Variants in TMT1B observed in about 807,000 individuals in gnomAD.
TMT1B encodes thiol S-methyltransferase TMT1B.
chr12:55,682,488 G>A, the TMT1B span, among the ~76,000 whole-genome samples: 1 of 151,724 alleles, frequency 6.6e-6, no homozygotes, highest in Non-Finnish European at 1.5e-5. Flanking sequence ...GGAGTGGGGA[G>A]GACACCTAAG....
chr12:55,681,776 C>T, the TMT1B span: 1 of 1,551,478 alleles, frequency 6.4e-7, no homozygotes, highest in Non-Finnish European at 8.7e-7. Context: ...GGTCCCACTC[C>T]TGCAGCTGCT....
chr12:55,684,273 G>C, the TMT1B span: 1 of 529,238 alleles, frequency 1.9e-6, no homozygotes, highest in Non-Finnish European at 3.4e-6. Context: ...GCTGACCCAG[G>C]GAGGAAACAC....
At chr12:55,684,227 A>G in the TMT1B span, 1 of 610,958 alleles carries the variant, frequency 1.6e-6, no homozygotes, top group Non-Finnish European at 2.9e-6. Flanking sequence ...TCTAACTTCA[A>G]TCCCGCCTTC....
the TMT1B span, chr12:55,682,177 G>A: frequency 6.2e-7 from 1 of 1,614,000 alleles, no homozygotes. Flanking sequence ...TGGATGTGGT[G>A]GTCTGCACTC....
chr12:55,684,379 C>A, the TMT1B span: 782 of 305,068 alleles, frequency 2.6e-3, 5 homozygotes, highest in African/African-American at 0.016. Flanking sequence ...CATGGTAAAG[C>A]TCCTCTCGCT....
At chr12:55,683,943 A>G in the TMT1B span, 1 of 1,614,138 alleles carries the variant, frequency 6.2e-7, no homozygotes, top group South Asian at 1.1e-5. Flanking sequence ...GAGACCTGGA[A>G]GGATCTTGAG....
the TMT1B span, chr12:55,683,738 G>T: frequency 2.1e-6 from 3 of 1,421,914 alleles, no homozygotes; most frequent in South Asian, 1.2e-5. Flanking sequence ...CAAGAAGTTT[G>T]ACTGTCTTGA....
At chr12:55,681,876 C>G in the TMT1B span, 2 of 1,606,274 alleles carry the variant, frequency 1.2e-6, no homozygotes, top group Non-Finnish European at 1.7e-6. Context: ...TACCTGATGG[C>G]CGTGCTGACT....
the TMT1B span, chr12:55,682,011 A>T: frequency 6.2e-7 from 1 of 1,614,246 alleles, no homozygotes; most frequent in Non-Finnish European, 8.5e-7. Context: ...GCCAACTTTC[A>T]GTTCTACCCA....
chr12:55,681,883 G>A, the TMT1B span: 119 of 1,610,150 alleles, frequency 7.4e-5, no homozygotes, highest in Non-Finnish European at 9.8e-5. Context: ...TGGCCGTGCT[G>A]ACTCCCAAGA....
At chr12:55,681,793 G>C in the TMT1B span, 1 of 1,552,574 alleles carries the variant, frequency 6.4e-7, no homozygotes, top group Non-Finnish European at 8.7e-7. Flanking sequence ...TGCTGGTGCT[G>C]CTTCTTACCC....
chr12:55,682,400 T>A, the TMT1B span: 559 of 771,528 alleles, frequency 7.2e-4, 1 homozygote, highest in Admixed American at 1.2e-3. Flanking sequence ...ATAGGAGACA[T>A]GACCAGTGCC....
At chr12:55,683,804 C>T in the TMT1B span, 4 of 1,612,876 alleles carry the variant, frequency 2.5e-6, no homozygotes, top group Non-Finnish European at 3.4e-6. Flanking sequence ...ACTCTCTCAT[C>T]CCTCCCAGGG....
chr12:55,682,888 G>C, the TMT1B span, among the ~76,000 whole-genome samples: 2 of 152,218 alleles, frequency 1.3e-5, no homozygotes, highest in African/African-American at 4.8e-5. Flanking sequence ...TCTAGGTAAA[G>C]ATAGTAGGGG....
the TMT1B span, chr12:55,681,835 C>T: frequency 3.2e-6 from 5 of 1,567,010 alleles, no homozygotes; most frequent in Non-Finnish European, 3.5e-6. Flanking sequence ...TGCTGGGCTG[C>T]TGGCAGCCCC....
chr12:55,683,877 A>G, the TMT1B span: 1 of 1,614,120 alleles, frequency 6.2e-7, no homozygotes, highest in Non-Finnish European at 8.5e-7. Flanking sequence ...TTCATGTGGC[A>G]GCAAGTTTTC....
At chr12:55,683,994 C>T in the TMT1B span, 2 of 1,613,954 alleles carry the variant, frequency 1.2e-6, no homozygotes, top group Non-Finnish European at 1.7e-6. Flanking sequence ...CGACAGCCCC[C>T]TCCCTTGAAG....
the TMT1B span, chr12:55,683,707 G>A: frequency 8.8e-7 from 1 of 1,135,532 alleles, no homozygotes; most frequent in African/African-American, 1.5e-5. Flanking sequence ...TGAACTCTCA[G>A]ACCAGCAGCT....
At chr12:55,684,171 G>A in the TMT1B span, 45 of 902,194 alleles carry the variant, frequency 5.0e-5, no homozygotes, top group East Asian at 1.1e-3. Context: ...AGACATTCAT[G>A]TACCACCTAC....
Sources: allele counts gnomAD v4.1 joint callset (sites outside exome capture counted in the v4.1 genomes callset), GRCh38; gene constraint gnomAD v4.1.1; transcripts MANE v1.5; gene names NCBI Gene and HGNC (gene_info 2026-07-23, HGNC 2026-07-21).